Variants in GRIN2A observed in about 807,000 individuals in gnomAD.
GRIN2A encodes glutamate ionotropic receptor NMDA type subunit 2A, also known as glutamate receptor ionotropic, NMDA 2A.
Under a neutral mutation model 113.4 loss-of-function variants are expected in GRIN2A, and 22 were observed. The ratio of observed to expected loss-of-function variants is 0.19; its 90% CI spans 0.14 to 0.28. The LOEUF (loss-of-function observed/expected upper bound fraction) is 0.28. Among genes scored for constraint, GRIN2A ranks in the 10% least tolerant of loss-of-function variants. GRIN2A has a pLI of 1.00. For synonymous variants in GRIN2A, 827 were observed against 738.4 expected (o/e 1.12, Z -1.94); for missense variants, 1,502 against 1,887.0 (o/e 0.80, Z 3.78).
intron 2 of GRIN2A, among the ~76,000 whole-genome samples, chr16:10,116,362 G>A (rs374491282): frequency 2.2e-4 from 34 of 152,288 alleles, no homozygotes; most frequent in East Asian, 9.7e-4. Flanking sequence ...ATGCATATGG[G>A]GCTTAATACC....
intron 11 of GRIN2A, among the ~76,000 whole-genome samples, chr16:9,787,735 A>G (rs1055859692): frequency 2.0e-5 from 3 of 152,248 alleles, no homozygotes; most frequent in African/African-American, 7.2e-5. Context: ...CAATCATGGT[A>G]GCTGTTGAAC....
chr16:9,998,851 G>A (rs778615395), intron 2 of GRIN2A, among the ~76,000 whole-genome samples: 26 of 151,664 alleles, frequency 1.7e-4, no homozygotes, highest in Non-Finnish European at 3.2e-4. Flanking sequence ...AACTTTTCAG[G>A]TCATGTATCA....
chr16:9,856,268 TC>T (rs2042965273), intron 4 of GRIN2A, among the ~76,000 whole-genome samples: 1 of 152,302 alleles, frequency 6.6e-6, no homozygotes, highest in South Asian at 2.1e-4. Flanking sequence ...CACAGCTTAA[TC>T]ACTACCTCCC....
rs796052564 is a variant in GRIN2A, at chr16:9,768,883, C to T, written c.2563G>A (p.Asp855Asn). 1.1e-5 allele frequency: 17 copies of T among 1,613,944 alleles called. No individual in the cohort carries two copies. Among genetic ancestry groups the T allele is most frequent in the East Asian group, 6.7e-5 (3 of 44,898 alleles). Residue 855 changes from aspartate to asparagine, a missense_variant, in exon 12 of 13, where the codon GAC (aspartate) becomes AAC (asparagine). By Grantham distance (23) the Asp-to-Asn change is conservative. Around this residue, in one of 7 missense-constraint regions of GRIN2A, gnomAD observed 832 missense variants for 789.7 expected, o/e 1.05. Transcript: ENST00000330684. ...ATGGAGAAGAGCAACCCAGGCCGGT[C>T]GGAGCACACGCCCGTGAAACAGAAG... ...LRFCFTGVCS[D>N]RPGLLFSISR...
At chr16:10,012,860 C>G (rs2046534199) in intron 2 of GRIN2A, among the ~76,000 whole-genome samples, 1 of 152,170 alleles carries the variant, frequency 6.6e-6, no homozygotes, top group Non-Finnish European at 1.5e-5. Flanking sequence ...GCTTTCTGAC[C>G]TGCAGAACTG....
rs202077375 is a variant in GRIN2A, at chr16:9,932,274, T to TAATTG, written c.1007+5684_1007+5685insCAATT. Among the ~76,000 whole-genome samples, 473 of 152,354 alleles carry TAATTG rather than the reference T, an allele frequency of 3.1e-3. 4 individuals are homozygous for TAATTG. Among genetic ancestry groups the TAATTG allele is most frequent in the African/African-American group, 0.011 (449 of 41,582 alleles). On this transcript the variant is annotated intron_variant, in intron 3 of 12. Transcript: ENST00000330684. ...CTATGAATAATTGGTGCTTAGCTTATGTAAGACACCAAAGACATTTTTTGA... is the reference window on the plus strand; with the variant it reads ...CTATGAATAATTGGTGCTTAGCTTATAATTGGTAAGACACCAAAGACATTTTTTGA...
chr16:10,042,479 G>C (rs1477035501), intron 2 of GRIN2A, among the ~76,000 whole-genome samples: 1 of 152,152 alleles, frequency 6.6e-6, no homozygotes, highest in Non-Finnish European at 1.5e-5. Context: ...CCTCAGTCCA[G>C]CCTTTAGATC....
intron 2 of GRIN2A, among the ~76,000 whole-genome samples, chr16:9,948,530 G>C (rs1226174781): frequency 6.6e-6 from 1 of 152,206 alleles, no homozygotes; most frequent in African/African-American, 2.4e-5. Context: ...GGTGACCTCT[G>C]TCCATCCCAG....
intron 3 of GRIN2A, among the ~76,000 whole-genome samples, chr16:9,910,537 CTTT>C (rs35352418): frequency 8.1e-6 from 1 of 123,280 alleles, no homozygotes. Context: ...TCTCAGAGTT[CTTT>C]TTTTTTTTTT....
intron 2 of GRIN2A, among the ~76,000 whole-genome samples, chr16:10,021,749 CA>C (rs200773798): frequency 0.016 from 2,484 of 152,016 alleles, 36 homozygotes; most frequent in South Asian, 0.063. Flanking sequence ...TCTCCCCTGT[CA>C]GGGGAGACAG....
intron 2 of GRIN2A, among the ~76,000 whole-genome samples, chr16:10,146,706 G>A (rs1057082636): frequency 6.6e-6 from 1 of 152,054 alleles, no homozygotes; most frequent in Non-Finnish European, 1.5e-5. Flanking sequence ...GTTGGGAGGT[G>A]GCTCCTGGAG....
chr16:10,076,623 C>T (rs548967516), intron 2 of GRIN2A, among the ~76,000 whole-genome samples: 5 of 152,256 alleles, frequency 3.3e-5, no homozygotes, highest in South Asian at 2.1e-4. Context: ...GGGTGTGGCT[C>T]TGAGACACAC....
intron 2 of GRIN2A, among the ~76,000 whole-genome samples, chr16:10,128,826 A>C (rs1226587512): frequency 6.6e-6 from 1 of 152,212 alleles, no homozygotes; most frequent in Non-Finnish European, 1.5e-5. Context: ...AAGGCAAGAA[A>C]AGTTTCTTAG....
chr16:9,810,475 T>C (rs1296901693), intron 10 of GRIN2A, among the ~76,000 whole-genome samples: 1 of 152,180 alleles, frequency 6.6e-6, no homozygotes, highest in Non-Finnish European at 1.5e-5. Flanking sequence ...GATATAATTG[T>C]TTAAGGATCT....
chr16:10,133,739 A>C (rs950850525), intron 2 of GRIN2A, among the ~76,000 whole-genome samples: 1 of 152,238 alleles, frequency 6.6e-6, no homozygotes, highest in Admixed American at 6.5e-5. Context: ...GTTTCTCTCC[A>C]ACTGTGGACC....
At chr16:10,155,369 C>A (rs1244212448) in intron 2 of GRIN2A, among the ~76,000 whole-genome samples, 4 of 152,156 alleles carry the variant, frequency 2.6e-5, no homozygotes, top group Non-Finnish European at 5.9e-5. Context: ...TAATCAACAT[C>A]TGATGGGCCA....
In GRIN2A at chr16:9,763,950, G is replaced by C. The variant is rs745740346; in HGVS notation, c.3594C>G (p.Ser1198=). The part of the protein sequence containing the change: ...SKHFTLKDKG[S]PHSETSERYR... ...ATCGCTCGCTGGTCTCACTGTGCGG[G>C]GAACCCTTGTCTTTCAAGGTGAAGT... Residue 1198 remains serine, a synonymous_variant, in exon 13 of 13, where the codon TCC becomes TCG. Transcript: ENST00000330684. 6.2e-7 allele frequency: 1 copy of C among 1,614,112 alleles called. No homozygotes were observed. The highest frequency in any genetic ancestry group is 8.5e-7 in the Non-Finnish European group (1 of 1,180,002).
intron 2 of GRIN2A, among the ~76,000 whole-genome samples, chr16:10,056,699 A>C (rs112360506): frequency 6.4e-4 from 98 of 152,284 alleles, no homozygotes; most frequent in African/African-American, 2.0e-3. Flanking sequence ...ATAAATATGG[A>C]AACAGAGACT....
chr16:10,091,022 T>C (rs2048174588), intron 2 of GRIN2A, among the ~76,000 whole-genome samples: 1 of 152,142 alleles, frequency 6.6e-6, no homozygotes, highest in Non-Finnish European at 1.5e-5. Context: ...AGAATGACTA[T>C]AATGGAAAAT....
Sources: gnomAD v4.1 joint callset for allele counts (sites outside exome capture counted in the v4.1 genomes callset) on GRCh38, gnomAD v4.1.1 for gene constraint, gnomAD v4.1.1 regional missense constraint, MANE v1.5 for transcripts, NCBI Gene and HGNC (gene_info 2026-07-23, HGNC 2026-07-21) for gene names.